The following ZNF341 variants were observed in gnomAD, a reference collection of about 807,000 sequenced individuals.
The protein encoded by ZNF341 is zinc finger protein 341.
ZNF341 carries 52 observed loss-of-function variants against 87.7 expected under a neutral mutation model. That is an observed-to-expected ratio of 0.59 (90% CI 0.47 to 0.75). The LOEUF (loss-of-function observed/expected upper bound fraction) is 0.75. ZNF341 is among the 30% of genes least tolerant of loss of function. The pLI is 0.00. For synonymous variants in ZNF341, 459 were observed against 472.7 expected, an observed-to-expected ratio of 0.97 and a Z score of 0.38; for missense variants, 977 against 1,145.9, an observed-to-expected ratio of 0.85 and a Z score of 2.13.
intron 4 of ZNF341, chr20:33,752,451 C>T: frequency 1.7e-6 from 1 of 583,810 alleles, no homozygotes; most frequent in Admixed American, 2.1e-5. Flanking sequence ...CATGGATGCA[C>T]TTGTGAATGT....
chr20:33,736,633 G>A (rs1189005138), intron 1 of ZNF341, among the ~76,000 whole-genome samples: 1 of 152,084 alleles, frequency 6.6e-6, no homozygotes, highest in Non-Finnish European at 1.5e-5. Context: ...GGGACTACAG[G>A]TGCGTGCCTC....
At chr20:33,759,756 AGGAGAGAGAGAGAGAG>A (rs987321132) in intron 7 of ZNF341, among the ~76,000 whole-genome samples, 6 of 151,668 alleles carry the variant, frequency 4.0e-5, no homozygotes, top group Middle Eastern at 3.4e-3. Context: ...TTATAACAAA[AGGAGAGAGAGAGAGAG>A]GGAGAGAGAG....
At chr20:33,755,989 G>A (rs529547939) in intron 5 of ZNF341, among the ~76,000 whole-genome samples, 6 of 152,086 alleles carry the variant, frequency 3.9e-5, no homozygotes, top group South Asian at 2.1e-4. Flanking sequence ...TTGGGAGCCC[G>A]AGGTGGGTGG....
At position 33,770,269 on chromosome 20, in the gene ZNF341, C is replaced by T; in HGVS notation, c.1599C>T (p.Pro533=). The change falls in exon 10 of 15, where the codon CCC becomes CCT. Residue 533 remains proline, a synonymous_variant. Coordinates refer to ENST00000375200, the MANE Select transcript of ZNF341 (RefSeq NM_001282933.2). ...YSHSLLPQHS[P]KKDNAVYKCV... Reference sequence around the variant, plus strand: ...ACAGCCTCCTGCCACAGCACAGCCCCAAGAAGGACAATGCCGTCTACAAGT... The same window carrying T: ...ACAGCCTCCTGCCACAGCACAGCCCTAAGAAGGACAATGCCGTCTACAAGT... The T allele has an allele frequency of 1.4e-6, 2 of 1,381,754 alleles. No homozygotes were observed. Among genetic ancestry groups the T allele is most frequent in the South Asian group, 2.3e-5 (2 of 88,390 alleles). 85.6% of individuals were successfully genotyped at this position (1,381,754 alleles called of 1,614,324 possible).
chr20:33,770,343 G>GGGGGGGCCTGGA, intron 10 of ZNF341, 51 bp downstream of exon 10: 1 of 511,252 alleles, frequency 2.0e-6, no homozygotes, highest in African/African-American at 2.0e-5. Context: ...GGTGGGCAGG[G>GGGGGGGCCTGGA]AGCCCAGGGC....
intron 13 of ZNF341, 117 bp downstream of exon 13, chr20:33,789,091 TTG>T: frequency 1.4e-6 from 1 of 716,304 alleles, no homozygotes; most frequent in Non-Finnish European, 2.3e-6. Context: ...TTTTTTTTTT[TTG>T]GAGACATAGT....
At chr20:33,768,280 AC>A (rs370645191) in intron 9 of ZNF341, among the ~76,000 whole-genome samples, 3,092 of 151,722 alleles carry the variant, frequency 0.02, 102 homozygotes, top group African/African-American at 0.071. Context: ...CCCCCACCAC[AC>A]CCAGCTAATT....
intron 1 of ZNF341, among the ~76,000 whole-genome samples, chr20:33,740,014 A>G (rs1266546425): frequency 6.6e-6 from 1 of 152,062 alleles, no homozygotes; most frequent in Non-Finnish European, 1.5e-5. Context: ...ACAGGCACAC[A>G]CCACCACGCC....
intron 12 of ZNF341, among the ~76,000 whole-genome samples, chr20:33,785,259 C>CAGGAAGCACACAT (rs1375406132): frequency 2.0e-5 from 3 of 152,102 alleles, no homozygotes; most frequent in Non-Finnish European, 4.4e-5. Flanking sequence ...TATTGCAACC[C>CAGGAAGCACACAT]AGGAAGCACA....
chr20:33,762,280 C>T (rs1004503362), intron 8 of ZNF341, among the ~76,000 whole-genome samples: 1 of 151,956 alleles, frequency 6.6e-6, no homozygotes, highest in African/African-American at 2.4e-5. Flanking sequence ...ATTCAATCAC[C>T]TACCCATTTT....
At chr20:33,772,304 G>A (rs2019549690) in intron 10 of ZNF341, among the ~76,000 whole-genome samples, 1 of 152,116 alleles carries the variant, frequency 6.6e-6, no homozygotes, top group Non-Finnish European at 1.5e-5. Context: ...TTTGTGTGGG[G>A]CCTCCTTCCA....
chr20:33,771,493 A>G (rs1267853303), intron 10 of ZNF341, among the ~76,000 whole-genome samples: 1 of 151,630 alleles, frequency 6.6e-6, no homozygotes, highest in Non-Finnish European at 1.5e-5. Flanking sequence ...TGATCCTCCC[A>G]CCTTAGCCTC....
Position 33,771,147 on chromosome 20 carries a change from A to C in ZNF341, c.1622+855A>C, listed in dbSNP as rs965403775. The stretch of plus-strand genomic sequence containing the variant: ...AAAAAAAATAAAATACAATAAAATG[A>C]ACGGTAACATGTTTAAAAGCAAAGA... On this transcript the variant is annotated intron_variant, in intron 10 of 14. Transcript: ENST00000375200. Among the ~76,000 whole-genome samples, 6 of 152,316 alleles carry C rather than the reference A, an allele frequency of 3.9e-5. No individual in the cohort carries two copies. In the East Asian group the frequency reaches 9.6e-4, roughly 24 times the overall value.
Position 33,768,827 on chromosome 20 carries a change from G to A in ZNF341, c.1414-1257G>A, listed in dbSNP as rs148612463. 1.5e-3 allele frequency among the ~76,000 whole-genome samples: 228 copies of A among 152,228 alleles called. 1 individual carries two copies. The highest frequency in any genetic ancestry group is 5.1e-3 in the African/African-American group (211 of 41,528). ...TATTGTGTAGGCAACCAGGACTTACGTACTATTTATCAAAGTATGATTTTC... is the reference window on the plus strand; with the variant it reads ...TATTGTGTAGGCAACCAGGACTTACATACTATTTATCAAAGTATGATTTTC... On this transcript the variant is annotated intron_variant, in intron 9 of 14. Transcript: ENST00000375200.
At chr20:33,746,129 C>A (rs191832901) in intron 3 of ZNF341, among the ~76,000 whole-genome samples, 4 of 151,322 alleles carry the variant, frequency 2.6e-5, no homozygotes, top group Admixed American at 2.0e-4. Context: ...CGGGGTTTCA[C>A]CATGTTAGCC....
chr20:33,745,088 C>T lies in ZNF341; in HGVS notation c.143-15C>T, dbSNP rs370220162. 66 of 1,601,970 alleles carry T rather than the reference C, an allele frequency of 4.1e-5. No homozygotes were observed. In the Middle Eastern group the frequency reaches 6.6e-4, roughly 16 times the overall value. On this transcript the variant is annotated splice_polypyrimidine_tract_variant and intron_variant, in intron 2 of 14. Coordinates refer to ENST00000375200, the MANE Select transcript of ZNF341 (RefSeq NM_001282933.2). ...TCTGTGGCCTCTTCCCACTACTCTG[C>T]GGGTATGACCCCAGATGACGAGGAT...
intron 8 of ZNF341, among the ~76,000 whole-genome samples, chr20:33,763,684 G>A (rs957191713): frequency 2.0e-5 from 3 of 152,128 alleles, no homozygotes; most frequent in Non-Finnish European, 2.9e-5. Flanking sequence ...AGTCACTGTA[G>A]TTGATCAGAA....
intron 11 of ZNF341, among the ~76,000 whole-genome samples, chr20:33,782,058 T>G (rs567791626): frequency 7.2e-4 from 110 of 152,220 alleles, no homozygotes; most frequent in Non-Finnish European, 7.9e-4. Context: ...TCCTCCCACC[T>G]CAGACTCCCA....
chr20:33,770,023 A>G, intron 9 of ZNF341, 61 bp from the exon 10 acceptor site: 1 of 1,192,834 alleles, frequency 8.4e-7, no homozygotes, highest in Non-Finnish European at 1.2e-6. Flanking sequence ...GCCACAGGCC[A>G]GGGGCTGCAG....
Sources: allele counts gnomAD v4.1 joint callset (sites outside exome capture counted in the v4.1 genomes callset), GRCh38; gene constraint gnomAD v4.1.1; transcripts MANE v1.5; gene names NCBI Gene and HGNC (gene_info 2026-07-23, HGNC 2026-07-21).